Variants in PPP1R9B observed in about 807,000 individuals in gnomAD.
PPP1R9B encodes neurabin-2.
A neutral mutation model predicts 75.8 loss-of-function variants in PPP1R9B; 17 were observed. The ratio of observed to expected loss-of-function variants is 0.22; its 90% CI spans 0.15 to 0.34. PPP1R9B has a LOEUF of 0.34. Among genes scored for constraint, PPP1R9B ranks in the 10% least tolerant of loss-of-function variants. The probability of loss-of-function intolerance (pLI) is 1.00; values close to 1 mark genes in which losing one functional copy is unlikely to be tolerated. For missense variants in PPP1R9B, 875 were observed against 1,196.0 expected (o/e 0.73, Z 3.96); for synonymous variants, 509 against 535.4 (o/e 0.95, Z 0.68).
At chr17:50,145,329 GT>G in intron 1 of PPP1R9B, 84 bp from the exon 2 acceptor site, 1 of 1,562,948 alleles carries the variant, frequency 6.4e-7, no homozygotes, top group Non-Finnish European at 8.7e-7. Context: ...GGCAGGCTGA[GT>G]TACCCACCCC....
chr17:50,136,905 C>A (rs534106064), intron 7 of PPP1R9B, among the ~76,000 whole-genome samples: 1 of 152,342 alleles, frequency 6.6e-6, no homozygotes, highest in African/African-American at 2.4e-5. Context: ...ACCAGGCCCC[C>A]GCAGCTGCAC....
chr17:50,145,139 T>G lies in PPP1R9B; in HGVS notation c.1478A>C (p.Glu493Ala). The change falls in exon 2 of 10, where the codon GAG (glutamate) becomes GCG (alanine). Residue 493 changes from glutamate (E) to alanine (A), a missense_variant. By Grantham distance (107) the Glu-to-Ala change is moderately radical. Around this residue, in one of 4 missense-constraint regions of PPP1R9B, gnomAD observed 63 missense variants for 160.2 expected, o/e 0.39. Coordinates refer to ENST00000612501, the MANE Select transcript of PPP1R9B (RefSeq NM_032595.5). The part of the protein sequence containing the change: ...YELEKRVERL[E>A]LFPVELEKDS... ...CTTCTCCAGCTCCACAGGGAACAGCTCCAACCTCTCCACACGCTTCTCCAG... is the reference window on the plus strand; with the variant it reads ...CTTCTCCAGCTCCACAGGGAACAGCGCCAACCTCTCCACACGCTTCTCCAG... 6.2e-7 allele frequency: 1 copy of G among 1,613,890 alleles called. No individual in the cohort carries two copies. Among genetic ancestry groups the G allele is most frequent in the Non-Finnish European group, 8.5e-7 (1 of 1,179,852 alleles).
At chr17:50,144,212 T>G (rs1409269517) in intron 2 of PPP1R9B, among the ~76,000 whole-genome samples, 1 of 151,698 alleles carries the variant, frequency 6.6e-6, no homozygotes, top group East Asian at 1.9e-4. Context: ...CTAATGACCT[T>G]CCCCCACAAA....
chr17:50,147,473 C>T (rs1912545549), intron 1 of PPP1R9B, among the ~76,000 whole-genome samples: 1 of 152,256 alleles, frequency 6.6e-6, no homozygotes, highest in South Asian at 2.1e-4. Flanking sequence ...GGGCCCGCCA[C>T]ACACGCTGGC....
At chr17:50,146,839 G>T (rs983990279) in intron 1 of PPP1R9B, among the ~76,000 whole-genome samples, 7 of 152,204 alleles carry the variant, frequency 4.6e-5, no homozygotes, top group Non-Finnish European at 1.0e-4. Context: ...ACAGGTGGGT[G>T]GGTCACCGGT....
At chr17:50,135,507 G>A in intron 9 of PPP1R9B, 46 bp downstream of exon 9, 1 of 1,589,058 alleles carries the variant, frequency 6.3e-7, no homozygotes, top group Non-Finnish European at 8.6e-7. Context: ...GGGCTTCAAT[G>A]CTGCTCCCTC....
chr17:50,146,586 G>T lies in PPP1R9B; in HGVS notation c.1372-1341C>A, dbSNP rs145920841. ...AGGCTCACTGCCACAGTGGGAGAGG[G>T]AGGGGGTGCTCATAGGACTAGAAGG... On this transcript the variant is annotated intron_variant, in intron 1 of 9. Coordinates refer to ENST00000612501, the MANE Select transcript of PPP1R9B (RefSeq NM_032595.5). Among the ~76,000 whole-genome samples, 269 of 152,342 alleles carry T rather than the reference G, an allele frequency of 1.8e-3. 1 individual carries two copies. Among genetic ancestry groups the T allele is most frequent in the African/African-American group, 5.6e-3 (233 of 41,570 alleles).
intron 7 of PPP1R9B, among the ~76,000 whole-genome samples, chr17:50,138,153 C>CGTGTGT (rs58489923): frequency 3.9e-4 from 57 of 146,424 alleles, no homozygotes; most frequent in East Asian, 2.3e-3. Context: ...GTGTATACTA[C>CGTGTGT]GTGTGTGTGT....
intron 7 of PPP1R9B, among the ~76,000 whole-genome samples, chr17:50,138,195 T>TGTGC (rs1555564448): frequency 9.8e-4 from 142 of 145,104 alleles, no homozygotes; most frequent in African/African-American, 2.7e-3. Flanking sequence ...TGTGTGTGTG[T>TGTGC]GCCACGTGTC....
rs144672560 is a variant in PPP1R9B, at chr17:50,144,115, C to A, written c.1505-397G>T. 6.8e-3 allele frequency among the ~76,000 whole-genome samples: 1,030 copies of A among 152,210 alleles called. 11 individuals are homozygous for A. Among genetic ancestry groups the A allele is most frequent in the African/African-American group, 0.022 (927 of 41,478 alleles). On this transcript the variant is annotated intron_variant, in intron 2 of 9. Coordinates refer to ENST00000612501, the MANE Select transcript of PPP1R9B (RefSeq NM_032595.5). ...CATCTGTACTCATAGCTTCAAGGAC[C>A]AAAGACCTCCAGATTTTCTCTCCCC...
In PPP1R9B at chr17:50,135,174, C is replaced by T. The variant is rs1274485517; in HGVS notation, c.*157G>A. The T allele has an allele frequency of 4.7e-5, 30 of 634,282 alleles. No homozygotes were observed. The highest frequency in any genetic ancestry group is 2.8e-5 in the Non-Finnish European group (10 of 355,360). The allele number at this position is 634,282 out of a possible 1,614,324, so 39.3% of individuals were successfully genotyped here. A position where few individuals can be genotyped will look rare whatever the true frequency, so the allele number is the denominator to read the frequency against. On this transcript the variant is annotated 3_prime_UTR_variant, in exon 10 of 10. Transcript: ENST00000612501. Reference sequence around the variant, plus strand: ...CTTAAGGGGGCCTGTGATATGAGCCCTCTGGTCCCTGAAGCTGGGGGAGGT... The same window carrying T: ...CTTAAGGGGGCCTGTGATATGAGCCTTCTGGTCCCTGAAGCTGGGGGAGGT...
chr17:50,149,662 G>C lies in PPP1R9B; in HGVS notation c.852C>G (p.Ala284=), dbSNP rs1418653716. The stretch of plus-strand genomic sequence containing the variant: ...GGGGCTTGGGGGGCGGCCGGGCAGG[G>C]GCCACTCGGTGCTGCGGGGGCTGCT... ...AGQQPPQHRV[A]PARPPPKPRE... The change falls in exon 1 of 10, where the codon GCC becomes GCG. Residue 284 remains alanine, a synonymous_variant. Coordinates refer to ENST00000612501, the MANE Select transcript of PPP1R9B (RefSeq NM_032595.5). The surrounding 1 kb of genome is among the most constrained non-coding windows in gnomAD (Gnocchi z 7.2). 6.6e-7 allele frequency: 1 copy of C among 1,506,636 alleles called. No individual in the cohort carries two copies. The highest frequency in any genetic ancestry group is 8.8e-7 in the Non-Finnish European group (1 of 1,130,548). The allele number at this position is 1,506,636 out of a possible 1,614,324, so 93.3% of individuals were successfully genotyped here.
chr17:50,149,761 G>A lies in PPP1R9B; in HGVS notation c.753C>T (p.Phe251=). 7.1e-7 allele frequency: 1 copy of A among 1,410,200 alleles called. No homozygotes were observed. Among genetic ancestry groups the A allele is most frequent in the Non-Finnish European group, 9.2e-7 (1 of 1,091,900 alleles). The allele number at this position is 1,410,200 out of a possible 1,614,324, so 87.4% of individuals were successfully genotyped here. The change falls in exon 1 of 10, where the codon TTC becomes TTT. Residue 251 remains phenylalanine (F), a synonymous_variant. Transcript: ENST00000612501. The surrounding 1 kb of genome is among the most constrained non-coding windows in gnomAD (Gnocchi z 7.2). The part of the protein sequence containing the change: ...SKLVSKRSRV[F]QPPPPPPPAP... The stretch of plus-strand genomic sequence containing the variant: ...CGGGCGGCGGCGGCGGCGGGGGCTG[G>A]AACACCCGGGACCGCTTGCTGACCA...
chr17:50,144,246 C>A (rs188864695), intron 2 of PPP1R9B, among the ~76,000 whole-genome samples: 5 of 152,054 alleles, frequency 3.3e-5, no homozygotes, highest in Non-Finnish European at 7.4e-5. Flanking sequence ...GGGATGGTAC[C>A]ACCACCTGCC....
intron 3 of PPP1R9B, 71 bp downstream of exon 3, chr17:50,143,527 T>G: frequency 6.4e-7 from 1 of 1,566,358 alleles, no homozygotes; most frequent in South Asian, 1.1e-5. Context: ...CCCTGCTCAG[T>G]GGCCCACCCC....
chr17:50,145,122 G>A lies in PPP1R9B; in HGVS notation c.1495C>T (p.Leu499=). The A allele has an allele frequency of 6.2e-7, 1 of 1,613,886 alleles. No homozygotes were observed. Among genetic ancestry groups the A allele is most frequent in the Non-Finnish European group, 8.5e-7 (1 of 1,179,872 alleles). The part of the protein sequence containing the change: ...VERLELFPVE[L]EKDSEGLGIS... ...CCTCCTGGCCTCTCACCCTTCTCCA[G>A]CTCCACAGGGAACAGCTCCAACCTC... The change falls in exon 2 of 10, where the codon CTG becomes TTG. Residue 499 remains leucine (L), a synonymous_variant. Coordinates refer to ENST00000612501, the MANE Select transcript of PPP1R9B (RefSeq NM_032595.5).
chr17:50,141,229 C>T, intron 4 of PPP1R9B, 40 bp downstream of exon 4: 1 of 1,387,190 alleles, frequency 7.2e-7, no homozygotes, highest in Non-Finnish European at 9.9e-7. Context: ...GGACGAGGAC[C>T]TCCTGCCCGC....
chr17:50,147,089 C>T (rs1238558769), intron 1 of PPP1R9B, among the ~76,000 whole-genome samples: 1 of 152,216 alleles, frequency 6.6e-6, no homozygotes, highest in Non-Finnish European at 1.5e-5. Flanking sequence ...CACAGCCTGT[C>T]CTGGGCTGCA....
chr17:50,149,320 G>A lies in PPP1R9B; in HGVS notation c.1194C>T (p.Tyr398=). ...SEADLVDVSA[Y]SGLGEDSAGS... is the part of the protein sequence containing the mutation. ...CCGCAGAGTCCTCCCCGAGCCCACT[G>A]TAGGCGCTCACGTCCACCAAGTCCG... The change falls in exon 1 of 10, where the codon TAC becomes TAT. Residue 398 remains tyrosine, a synonymous_variant. Transcript: ENST00000612501. The surrounding 1 kb of genome is among the most constrained non-coding windows in gnomAD (Gnocchi z 7.2). 1 of 1,613,320 alleles carries A rather than the reference G, an allele frequency of 6.2e-7. No homozygotes were observed. The highest frequency in any genetic ancestry group is 1.1e-5 in the South Asian group (1 of 91,026).
Sources: gnomAD v4.1 joint callset for allele counts (sites outside exome capture counted in the v4.1 genomes callset) on GRCh38, gnomAD v4.1.1 for gene constraint, gnomAD v4.1.1 regional missense constraint, Gnocchi (gnomAD v3.1) non-coding constraint, MANE v1.5 for transcripts, NCBI Gene and HGNC (gene_info 2026-07-23, HGNC 2026-07-21) for gene names.